ZNF479: variants seen among roughly 807,000 people sequenced by gnomAD.
ZNF479 encodes zinc finger protein 479.
In ZNF479, 15 loss-of-function variants were observed where a neutral mutation model predicts 14.7. The ratio of observed to expected loss-of-function variants is 1.02; its 90% CI spans 0.68 to 1.57. ZNF479 has a LOEUF of 1.57. Ranked by LOEUF, ZNF479 falls within the 40% of genes most tolerant of loss-of-function variation. The probability of loss-of-function intolerance (pLI) is 0.00; values close to 1 mark genes in which losing one functional copy is unlikely to be tolerated. For synonymous variants in ZNF479, 145 were observed against 211.5 expected (o/e 0.69, Z 2.73); for missense variants, 506 against 615.1 (o/e 0.82, Z 1.88).
At chr7:57,123,615 C>G (rs1036994580) in intron 3 of ZNF479, among the ~76,000 whole-genome samples, 32 of 152,062 alleles carry the variant, frequency 2.1e-4, no homozygotes, top group African/African-American at 7.7e-4. Context: ...GGAAGAATCA[C>G]TTGGGGCAAG....
chr7:57,139,330 G>T (rs1290721196), intron 1 of ZNF479, among the ~76,000 whole-genome samples: 1 of 152,210 alleles, frequency 6.6e-6, no homozygotes, highest in Non-Finnish European at 1.5e-5. Flanking sequence ...AGATTCAGCA[G>T]CCCTGTGAGG....
intron 1 of ZNF479, among the ~76,000 whole-genome samples, chr7:57,130,818 G>T (rs1435756624): frequency 2.0e-5 from 3 of 152,136 alleles, no homozygotes; most frequent in Admixed American, 6.6e-5. Flanking sequence ...GTTTATTACA[G>T]CACGATTCAC....
intron 1 of ZNF479, among the ~76,000 whole-genome samples, chr7:57,131,850 A>G (rs1216061878): frequency 1.3e-5 from 2 of 152,124 alleles, no homozygotes; most frequent in Non-Finnish European, 2.9e-5. Flanking sequence ...CTTGAATCAC[A>G]CTTTGATCAG....
At chr7:57,122,093 C>A (rs1457568088) in intron 3 of ZNF479, among the ~76,000 whole-genome samples, 2 of 151,946 alleles carry the variant, frequency 1.3e-5, no homozygotes, top group Non-Finnish European at 2.9e-5. Context: ...ATCCGCAACA[C>A]AAATTTAAGC....
upstream of ZNF479, among the ~76,000 whole-genome samples, chr7:57,134,744 G>A (rs1262399822): frequency 1.2e-4 from 17 of 143,330 alleles, no homozygotes; most frequent in South Asian, 2.8e-3. Context: ...GCGCCATCTC[G>A]GCTCACTACA....
upstream of ZNF479, among the ~76,000 whole-genome samples, chr7:57,135,633 G>C (rs192056380): frequency 1.3e-5 from 2 of 151,926 alleles, no homozygotes; most frequent in African/African-American, 4.8e-5. Context: ...GGCTGGTCTT[G>C]AACTCCTGAC....
rs537435798 is a variant in ZNF479 at position 57,120,897 on chromosome 7, T to C, written c.518A>G (p.Asn173Ser). The change falls in exon 4 of 4, where the codon AAT (asparagine) becomes AGT (serine). Residue 173 changes from asparagine (N) to serine (S), a missense_variant. Physicochemically the swap from Asn to Ser is conservative, Grantham distance 46. Transcript: ENST00000319636. ...TCCAGTATATCTTGTTTTATCTCTA[T>C]TGGAATTTGAAAATTTACCAAAGAC... Reference protein sequence around the residue: ...VKVFGKFSNSNRDKTRYTGNK... With the variant: ...VKVFGKFSNSSRDKTRYTGNK... 8.0e-5 allele frequency: 129 copies of C among 1,613,924 alleles called. No individual in the cohort carries two copies. The East Asian group carries it at 2.8e-3, about 35-fold the overall frequency.
intron 1 of ZNF479, among the ~76,000 whole-genome samples, chr7:57,130,751 T>G (rs1786378107): frequency 1.3e-5 from 2 of 152,154 alleles, no homozygotes; most frequent in South Asian, 4.1e-4. Context: ...ATCCCGCAAT[T>G]GGGAATATAC....
At position 57,121,040 on chromosome 7, in the gene ZNF479, A is replaced by T. The variant is rs199693789; in HGVS notation, c.375T>A (p.Phe125Leu). The T allele has an allele frequency of 1.9e-4, 299 of 1,613,924 alleles. 4 individuals are homozygous for T. The African/African-American group carries it at 3.6e-3, about 19-fold the overall frequency. The change falls in exon 4 of 4, where the codon TTT (phenylalanine) becomes TTA (leucine). Residue 125 changes from phenylalanine (F) to leucine (L), a missense_variant. By Grantham distance (22) the Phe-to-Leu change is conservative. Coordinates refer to ENST00000319636, the MANE Select transcript of ZNF479 (RefSeq NM_001370129.2). ...YGKCGHEKLQFKKCCKSVGEY... is the reference protein window; with the variant it reads ...YGKCGHEKLQLKKCCKSVGEY... ...CACCCACACTTTTACAGCATTTTTTAAATTGTAATTTCTCATGTCCACATT... is the reference window on the plus strand; with the variant it reads ...CACCCACACTTTTACAGCATTTTTTTAATTGTAATTTCTCATGTCCACATT...
upstream of ZNF479, among the ~76,000 whole-genome samples, chr7:57,136,631 T>C (rs1400773551): frequency 2.0e-5 from 3 of 152,230 alleles, no homozygotes; most frequent in Non-Finnish European, 4.4e-5. Flanking sequence ...AATTGGCTGC[T>C]GGAGGCTTCT....
chr7:57,136,396 C>A (rs745719285), upstream of ZNF479, among the ~76,000 whole-genome samples: 66 of 150,900 alleles, frequency 4.4e-4, no homozygotes, highest in Admixed American at 1.8e-3. Context: ...AAAAAAAATA[C>A]CCCCAAAGAA....
At chr7:57,128,011 C>T (rs1475892787) in intron 1 of ZNF479, among the ~76,000 whole-genome samples, 4 of 151,168 alleles carry the variant, frequency 2.6e-5, no homozygotes, top group Admixed American at 2.6e-4. Flanking sequence ...TCTAATCTCA[C>T]TGCAACCTCA....
upstream of ZNF479, among the ~76,000 whole-genome samples, chr7:57,135,173 G>A (rs574541992): frequency 5.3e-5 from 8 of 152,254 alleles, no homozygotes; most frequent in South Asian, 2.1e-4. Context: ...GAATGGGATC[G>A]GGTTAGTAGC....
At chr7:57,133,027 G>A (rs1786505263), upstream of ZNF479, among the ~76,000 whole-genome samples, 2 of 152,234 alleles carry the variant, frequency 1.3e-5, no homozygotes, top group South Asian at 2.1e-4. Flanking sequence ...CCGGCTACTC[G>A]GGAGACTGAG....
chr7:57,134,651 A>G (rs1270753715), upstream of ZNF479, among the ~76,000 whole-genome samples: 3 of 147,822 alleles, frequency 2.0e-5, no homozygotes, highest in Admixed American at 6.8e-5. Flanking sequence ...CTCACCCAAA[A>G]TTCTTTCTTC....
At chr7:57,135,810 C>T (rs1786619954), upstream of ZNF479, among the ~76,000 whole-genome samples, 1 of 152,062 alleles carries the variant, frequency 6.6e-6, no homozygotes, top group South Asian at 2.1e-4. Flanking sequence ...GATTTTTCCT[C>T]CCTAAAGTGG....
chr7:57,128,526 A>G (rs899755450), intron 1 of ZNF479, among the ~76,000 whole-genome samples: 12 of 152,214 alleles, frequency 7.9e-5, no homozygotes, highest in African/African-American at 2.4e-4. Context: ...TATTTCCCCA[A>G]TAGAAATCTT....
chr7:57,136,451 A>C (rs1786658820), upstream of ZNF479, among the ~76,000 whole-genome samples: 1 of 152,134 alleles, frequency 6.6e-6, no homozygotes, highest in Admixed American at 6.6e-5. Flanking sequence ...CAGCAAGAAA[A>C]TAATGGATGA....
upstream of ZNF479, among the ~76,000 whole-genome samples, chr7:57,136,393 A>G (rs570385781): frequency 3.0e-4 from 46 of 151,562 alleles, no homozygotes; most frequent in African/African-American, 1.1e-3. Flanking sequence ...CAAAAAAAAA[A>G]TACCCCCAAA....
Sources: allele counts gnomAD v4.1 joint callset (sites outside exome capture counted in the v4.1 genomes callset), GRCh38; gene constraint gnomAD v4.1.1; transcripts MANE v1.5; gene names NCBI Gene and HGNC (gene_info 2026-07-23, HGNC 2026-07-21).